The following PRICKLE2 variants were observed in gnomAD, a reference collection of about 807,000 sequenced individuals.
PRICKLE2 encodes the protein prickle-like protein 2.
PRICKLE2 carries 21 observed loss-of-function variants against 81.4 expected under a neutral mutation model. The observed-to-expected ratio is 0.26, with a 90% confidence interval of 0.18 to 0.37. The LOEUF is 0.37. Ranked by LOEUF, PRICKLE2 falls within the 10% of genes least tolerant of loss-of-function variation. PRICKLE2 has a pLI of 1.00. For synonymous variants in PRICKLE2, 456 were observed against 421.5 expected (o/e 1.08, Z -1.00); for missense variants, 940 against 1,109.0 (o/e 0.85, Z 2.16).
chr3:64,249,860 G>A (rs1342764952), intron 2 of PRICKLE2, among the ~76,000 whole-genome samples: 1 of 152,178 alleles, frequency 6.6e-6, no homozygotes, highest in Non-Finnish European at 1.5e-5. Context: ...CACACAATAT[G>A]TTTTTTACTA....
chr3:64,152,122 T>G (rs375117896), intron 6 of PRICKLE2, among the ~76,000 whole-genome samples: 1 of 152,348 alleles, frequency 6.6e-6, no homozygotes, highest in East Asian at 1.9e-4. Flanking sequence ...TCACTTCTTA[T>G]GAACCAAGAA....
chr3:64,124,474 T>C (rs1340153841), intron 7 of PRICKLE2, among the ~76,000 whole-genome samples: 1 of 152,184 alleles, frequency 6.6e-6, no homozygotes, highest in Non-Finnish European at 1.5e-5. Context: ...AGATACCATC[T>C]AGTACCTTAC....
intron 3 of PRICKLE2, 139 bp downstream of exon 3, chr3:64,162,877 C>T (rs1388258270): frequency 1.3e-5 from 10 of 769,080 alleles, no homozygotes; most frequent in Non-Finnish European, 2.4e-5. Flanking sequence ...TTATTTTGGC[C>T]CTAATTAAGG....
intron 2 of PRICKLE2, among the ~76,000 whole-genome samples, chr3:64,192,802 C>T (rs2078369236): frequency 6.6e-6 from 1 of 152,150 alleles, no homozygotes; most frequent in Non-Finnish European, 1.5e-5. Flanking sequence ...TTATTCTGTG[C>T]TAAAACATAG....
chr3:64,208,264 TAA>T (rs914437412), intron 1 of PRICKLE2, among the ~76,000 whole-genome samples: 1 of 152,164 alleles, frequency 6.6e-6, no homozygotes, highest in African/African-American at 2.4e-5. Context: ...CTGCCTGCCC[TAA>T]GATATTGCTG....
Position 64,163,100 on chromosome 3 carries a change from T to C in PRICKLE2, c.174A>G (p.Glu58=). ...GACTGTTGACATAAGGGACTTTCTCTTCTGGGAGACAGCTATAGTACTGGT... is the reference window on the plus strand; with the variant it reads ...GACTGTTGACATAAGGGACTTTCTCCTCTGGGAGACAGCTATAGTACTGGT... ...QVHQYYSCLP[E]EKVPYVNSPG... Residue 58 remains glutamate, a synonymous_variant, in exon 3 of 8, where the codon GAA becomes GAG. Transcript: ENST00000638394. 1 of 1,613,162 alleles carries C rather than the reference T, an allele frequency of 6.2e-7. No homozygotes were observed. Among genetic ancestry groups the C allele is most frequent in the Non-Finnish European group, 8.5e-7 (1 of 1,179,128 alleles).
Position 64,099,315 on chromosome 3 carries a change from C to A in PRICKLE2, c.2271G>T (p.Leu757Phe). The change falls in exon 8 of 8, where the codon TTG becomes TTT. Residue 757 changes from leucine to phenylalanine, a missense_variant. Leu to Phe is a conservative substitution (Grantham distance 22, BLOSUM62 0). Coordinates refer to ENST00000638394, the MANE Select transcript of PRICKLE2 (RefSeq NM_198859.4). This position sits in a 1 kb window ranked among gnomAD's most constrained non-coding sequence, Gnocchi z 4.3. The stretch of plus-strand genomic sequence containing the variant: ...CCCAGCGGTCCCCAAAGGCATTCTG[C>A]AAAGCCAGGTCCGACACAGTCCTAG... The part of the protein sequence containing the change: ...QCPRTVSDLA[L>F]QNAFGDRWGP... 1 of 1,614,242 alleles carries A rather than the reference C, an allele frequency of 6.2e-7. No individual in the cohort carries two copies. The highest frequency in any genetic ancestry group is 2.2e-5 in the East Asian group (1 of 44,876).
upstream of PRICKLE2, among the ~76,000 whole-genome samples, chr3:64,225,756 G>A (rs1201826434): frequency 6.6e-6 from 1 of 151,986 alleles, no homozygotes; most frequent in Non-Finnish European, 1.5e-5. Context: ...TAGGTGCCAA[G>A]GTTCAGATCT....
At chr3:64,189,876 T>C (rs2078300766) in intron 2 of PRICKLE2, among the ~76,000 whole-genome samples, 1 of 152,186 alleles carries the variant, frequency 6.6e-6, no homozygotes. Flanking sequence ...TTGCCCTATG[T>C]GCACCTGGGG....
At chr3:64,192,353 G>A (rs996689734) in intron 2 of PRICKLE2, among the ~76,000 whole-genome samples, 2 of 152,056 alleles carry the variant, frequency 1.3e-5, no homozygotes, top group Non-Finnish European at 2.9e-5. Context: ...AGGAAAGTAG[G>A]GAAGCCAAAC....
chr3:64,267,153 C>T (rs2079723066), intron 2 of PRICKLE2, among the ~76,000 whole-genome samples: 1 of 152,050 alleles, frequency 6.6e-6, no homozygotes, highest in African/African-American at 2.4e-5. Flanking sequence ...CAACCTTCAC[C>T]AAGTCCTGAC....
At chr3:64,222,136 T>G (rs921276542) in intron 1 of PRICKLE2, among the ~76,000 whole-genome samples, 1 of 152,210 alleles carries the variant, frequency 6.6e-6, no homozygotes, top group African/African-American at 2.4e-5. Flanking sequence ...GCCGCTATCT[T>G]CACAGCAATC....
intron 2 of PRICKLE2, among the ~76,000 whole-genome samples, chr3:64,176,443 AT>A (rs2078024247): frequency 6.6e-6 from 1 of 152,090 alleles, no homozygotes; most frequent in Non-Finnish European, 1.5e-5. Flanking sequence ...CTCTATTACT[AT>A]TAGTTTCACA....
intron 2 of PRICKLE2, among the ~76,000 whole-genome samples, chr3:64,251,927 T>C (rs922713555): frequency 1.3e-5 from 2 of 152,198 alleles, no homozygotes; most frequent in African/African-American, 4.8e-5. Context: ...CATCAGTGCA[T>C]ATGGGACATA....
intron 2 of PRICKLE2, among the ~76,000 whole-genome samples, chr3:64,192,952 T>C (rs187432668): frequency 1.1e-4 from 16 of 152,328 alleles, no homozygotes; most frequent in Non-Finnish European, 5.9e-5. Context: ...CAGAGTTTCA[T>C]GGAGCAGCAA....
chr3:64,250,082 G>A (rs763474399), intron 2 of PRICKLE2, among the ~76,000 whole-genome samples: 11 of 152,068 alleles, frequency 7.2e-5, no homozygotes. Context: ...GCAAGCACTG[G>A]TCTCACCTCT....
chr3:64,252,240 C>G (rs1216412877), intron 2 of PRICKLE2, among the ~76,000 whole-genome samples: 1 of 152,168 alleles, frequency 6.6e-6, no homozygotes, highest in Non-Finnish European at 1.5e-5. Context: ...TGATTAGACA[C>G]TCTGAGGTAA....
chr3:64,130,551 T>A (rs1468341822), intron 7 of PRICKLE2, among the ~76,000 whole-genome samples: 1 of 152,188 alleles, frequency 6.6e-6, no homozygotes, highest in Admixed American at 6.5e-5. Flanking sequence ...TGCTCATATA[T>A]GAGCTCTCTA....
chr3:64,222,387 C>G (rs1195133019), intron 1 of PRICKLE2, among the ~76,000 whole-genome samples: 1 of 152,224 alleles, frequency 6.6e-6, no homozygotes, highest in East Asian at 1.9e-4. Flanking sequence ...ACTCCTCTCA[C>G]TCTTGTAATT....
Sources: gnomAD v4.1 joint callset for allele counts (sites outside exome capture counted in the v4.1 genomes callset) on GRCh38, gnomAD v4.1.1 for gene constraint, Gnocchi (gnomAD v3.1) non-coding constraint, MANE v1.5 for transcripts, NCBI Gene and HGNC (gene_info 2026-07-23, HGNC 2026-07-21) for gene names.